DYNLT5: variants seen among roughly 807,000 people sequenced by gnomAD.
DYNLT5 encodes dynein light chain Tctex-type 5.
DYNLT5 carries 25 observed loss-of-function variants against 19.3 expected under a neutral mutation model. That is an observed-to-expected ratio of 1.30 (90% CI 0.95 to 1.81). The LOEUF is 1.81. DYNLT5 is among the 40% of genes most tolerant of loss of function. The probability of loss-of-function intolerance (pLI) is 0.00; values close to 1 mark genes in which losing one functional copy is unlikely to be tolerated. For synonymous variants in DYNLT5, 82 were observed against 68.9 expected (o/e 1.19, Z -0.94); for missense variants, 232 against 217.9 (o/e 1.06, Z -0.41).
In DYNLT5 at chr1:66,778,849, T is replaced by C. The variant is rs1351204717; in HGVS notation, c.*1395T>C. The C allele has an allele frequency of 6.6e-6, 1 of 152,160 alleles. No homozygotes were observed. Among genetic ancestry groups the C allele is most frequent in the Non-Finnish European group, 1.5e-5 (1 of 68,018 alleles). 9.4% of individuals were successfully genotyped at this position (152,160 alleles called of 1,614,324 possible). On this transcript the variant is annotated 3_prime_UTR_variant, in exon 5 of 5. Transcript: ENST00000282670. ...CATTAGTGGGAATATGTCTATGTAA[T>C]AATTTATCACAACCAATATTTGTCA... is the stretch of plus-strand genomic sequence containing the variant.
At chr1:66,762,899 T>G (rs1200412378) in intron 2 of DYNLT5, among the ~76,000 whole-genome samples, 2 of 152,198 alleles carry the variant, frequency 1.3e-5, no homozygotes, top group Non-Finnish European at 2.9e-5. Context: ...AGATAAATGT[T>G]TGAGGCAATG....
chr1:66,777,725 G>T lies in DYNLT5; in HGVS notation c.*271G>T. Reference sequence around the variant, plus strand: ...TAGATTCTTATTAAATATTTGTTTTGGTACTAATTATTTTAATTATTCTTT... The same window carrying T: ...TAGATTCTTATTAAATATTTGTTTTTGTACTAATTATTTTAATTATTCTTT... On this transcript the variant is annotated 3_prime_UTR_variant, in exon 5 of 5. Transcript: ENST00000282670. 3.1e-5 allele frequency: 8 copies of T among 257,756 alleles called. No homozygotes were observed. Among genetic ancestry groups the T allele is most frequent in the South Asian group, 1.1e-4 (1 of 9,428 alleles). 16.0% of individuals were successfully genotyped at this position (257,756 alleles called of 1,614,324 possible).
At chr1:66,755,367 G>T (rs2094634375) in intron 2 of DYNLT5, among the ~76,000 whole-genome samples, 1 of 151,744 alleles carries the variant, frequency 6.6e-6, no homozygotes, top group African/African-American at 2.4e-5. Context: ...TAGATTTTTT[G>T]GTTCTTGCTA....
In DYNLT5 at chr1:66,777,836, G is replaced by A. The variant is rs1231843253; in HGVS notation, c.*382G>A. 6.1e-6 allele frequency: 1 copy of A among 162,876 alleles called. No homozygotes were observed. Among genetic ancestry groups the A allele is most frequent in the East Asian group, 1.7e-4 (1 of 5,778 alleles). The allele number at this position is 162,876 out of a possible 1,614,324, so 10.1% of individuals were successfully genotyped here. On this transcript the variant is annotated 3_prime_UTR_variant, in exon 5 of 5. Coordinates refer to ENST00000282670, the MANE Select transcript of DYNLT5 (RefSeq NM_152665.3). ...TGGCTATATACCCTGACCAATAAAT[G>A]ATAGTAGAATATTCAACATGGTATA...
At chr1:66,753,686 T>C (rs1418724798) in intron 1 of DYNLT5, among the ~76,000 whole-genome samples, 14 of 152,220 alleles carry the variant, frequency 9.2e-5, no homozygotes, top group Non-Finnish European at 2.1e-4. Flanking sequence ...CAGTGGTTGA[T>C]GCCTGTAATT....
intron 2 of DYNLT5, 125 bp from the exon 3 acceptor site, chr1:66,770,262 C>T: frequency 1.5e-6 from 1 of 663,052 alleles, no homozygotes; most frequent in Non-Finnish European, 2.6e-6. Context: ...AGGATATTTA[C>T]ATAAGACTTA....
At position 66,754,768 on chromosome 1, in the gene DYNLT5, G is replaced by A. The variant is rs142969820; in HGVS notation, c.110G>A (p.Arg37His). 163 of 1,610,064 alleles carry A rather than the reference G, an allele frequency of 1.0e-4. No individual in the cohort carries two copies. The highest frequency in any genetic ancestry group is 6.0e-4 in the African/African-American group (45 of 74,750). ...HEFWRKEIHGRIKDSMSTVSY... is the reference protein window; with the variant it reads ...HEFWRKEIHGHIKDSMSTVSY... ...TTTTGGCGAAAGGAAATTCATGGGC[G>A]CATCAAAGAGTGAGTAACTGTCTAA... Residue 37 changes from arginine to histidine, a missense_variant, in exon 2 of 5, where the codon CGC becomes CAC. Transcript: ENST00000282670.
chr1:66,761,440 A>G (rs1274599323), intron 2 of DYNLT5, among the ~76,000 whole-genome samples: 4 of 152,236 alleles, frequency 2.6e-5, no homozygotes, highest in Non-Finnish European at 5.9e-5. Flanking sequence ...TCTGCTGACT[A>G]ATCAGGGATA....
chr1:66,756,574 T>G (rs2094636381), intron 2 of DYNLT5, among the ~76,000 whole-genome samples: 1 of 152,214 alleles, frequency 6.6e-6, no homozygotes, highest in Non-Finnish European at 1.5e-5. Flanking sequence ...TGTAAAACAT[T>G]CTGAAGTTTA....
chr1:66,765,419 C>T (rs890663190), intron 2 of DYNLT5, among the ~76,000 whole-genome samples: 14 of 151,980 alleles, frequency 9.2e-5, no homozygotes, highest in Non-Finnish European at 1.6e-4. Flanking sequence ...ACTCTGAAAA[C>T]GTATGGAAAT....
Position 66,754,714 on chromosome 1 carries a change from G to A in DYNLT5, c.56G>A (p.Gly19Glu), listed in dbSNP as rs756195825. The A allele has an allele frequency of 6.2e-7, 1 of 1,613,288 alleles. No homozygotes were observed. The highest frequency in any genetic ancestry group is 8.5e-7 in the Non-Finnish European group (1 of 1,179,688). ...GRAAHSWKKRGSISSLSNHEF... is the reference protein window; with the variant it reads ...GRAAHSWKKRESISSLSNHEF... ...GCAGCTCATTCATGGAAGAAAAGAG[G>A]GAGTATTTCTTCTCTAAGTAATCAT... Residue 19 changes from glycine to glutamate, a missense_variant, in exon 2 of 5, where the codon GGG becomes GAG. Coordinates refer to ENST00000282670, the MANE Select transcript of DYNLT5 (RefSeq NM_152665.3).
chr1:66,771,573 G>A (rs1187983066), intron 3 of DYNLT5, among the ~76,000 whole-genome samples: 3 of 152,192 alleles, frequency 2.0e-5, no homozygotes, highest in Non-Finnish European at 4.4e-5. Context: ...TAGGGGCTCT[G>A]GCAGGATCTG....
chr1:66,771,191 C>T (rs12733829), intron 3 of DYNLT5, among the ~76,000 whole-genome samples: 1 of 152,152 alleles, frequency 6.6e-6, no homozygotes, highest in East Asian at 1.9e-4. Flanking sequence ...GACCATCAGC[C>T]TGTCCCCTCT....
chr1:66,767,630 TC>T (rs1645169087), intron 2 of DYNLT5, among the ~76,000 whole-genome samples: 1 of 152,210 alleles, frequency 6.6e-6, no homozygotes, highest in African/African-American at 2.4e-5. Context: ...AGTTAGACTT[TC>T]TATCAGATCT....
At chr1:66,768,332 A>G (rs145713313) in intron 2 of DYNLT5, among the ~76,000 whole-genome samples, 6 of 152,266 alleles carry the variant, frequency 3.9e-5, no homozygotes, top group Admixed American at 3.9e-4. Context: ...GAGGTTAATA[A>G]TTTTTTGTAA....
chr1:66,758,951 T>G (rs1165935746), intron 2 of DYNLT5, among the ~76,000 whole-genome samples: 20 of 152,146 alleles, frequency 1.3e-4, no homozygotes. Context: ...GGAGATAAGT[T>G]GTATCACCAT....
At chr1:66,767,426 A>G (rs1645166651) in intron 2 of DYNLT5, among the ~76,000 whole-genome samples, 1 of 151,974 alleles carries the variant, frequency 6.6e-6, no homozygotes, top group Non-Finnish European at 1.5e-5. Flanking sequence ...CTAATTTTTT[A>G]AAATATATTT....
chr1:66,775,011 C>G (rs1324237815), intron 3 of DYNLT5: 2 of 152,186 alleles, frequency 1.3e-5, no homozygotes, highest in Non-Finnish European at 2.9e-5. Context: ...ATCAATTCAA[C>G]AAATAATGAC....
intron 2 of DYNLT5, among the ~76,000 whole-genome samples, chr1:66,763,082 A>G (rs1269170246): frequency 6.6e-6 from 1 of 152,238 alleles, no homozygotes; most frequent in Non-Finnish European, 1.5e-5. Flanking sequence ...TGCAGAATGA[A>G]TGTTGTGTTA....
Sources: allele counts gnomAD v4.1 joint callset (sites outside exome capture counted in the v4.1 genomes callset), GRCh38; gene constraint gnomAD v4.1.1; transcripts MANE v1.5; gene names NCBI Gene and HGNC (gene_info 2026-07-23, HGNC 2026-07-21).